The following UBE2K variants were observed in gnomAD, a reference collection of about 807,000 sequenced individuals.
UBE2K encodes ubiquitin conjugating enzyme E2 K.
UBE2K carries 6 observed loss-of-function variants against 30.0 expected under a neutral mutation model. That is an observed-to-expected ratio of 0.20 (90% confidence interval 0.11 to 0.39). The LOEUF is 0.39. UBE2K is among the 10% of genes least tolerant of loss of function. The probability of loss-of-function intolerance (pLI) is 1.00; values close to 1 mark genes in which losing one functional copy is unlikely to be tolerated. For missense variants in UBE2K, 61 were observed against 241.6 expected, an observed-to-expected ratio of 0.25 and a Z score of 4.96; for synonymous variants, 86 against 83.7, an observed-to-expected ratio of 1.03 and a Z score of -0.15.
At position 39,755,797 on chromosome 4, in the gene UBE2K, G is replaced by C. The variant is rs1721492553; in HGVS notation, c.299+58G>C. 15 of 1,230,220 alleles carry C rather than the reference G, an allele frequency of 1.2e-5. No individual in the cohort carries two copies. The East Asian group carries it at 3.7e-4, about 30-fold the overall frequency. 76.2% of individuals were successfully genotyped at this position (1,230,220 alleles called of 1,614,324 possible). A position where few individuals can be genotyped will look rare whatever the true frequency, so the allele number is the denominator to read the frequency against. ...TCATATGAATACCAAGACTGTAAGA[G>C]TGTTAAATGTGTAATTGCCTCAAAA... is the stretch of plus-strand genomic sequence containing the variant. On this transcript the variant is annotated intron_variant, in intron 4 of 6. Coordinates refer to ENST00000261427, the MANE Select transcript of UBE2K (RefSeq NM_005339.5).
intron 4 of UBE2K, among the ~76,000 whole-genome samples, chr4:39,773,033 CAGGT>C (rs1455954303): frequency 6.6e-6 from 1 of 151,824 alleles, no homozygotes; most frequent in Non-Finnish European, 1.5e-5. Flanking sequence ...TATTGCTAGA[CAGGT>C]AGATACTATT....
intron 3 of UBE2K, among the ~76,000 whole-genome samples, chr4:39,749,654 G>A (rs557397343): frequency 1.3e-5 from 2 of 152,110 alleles, no homozygotes; most frequent in African/African-American, 4.8e-5. Flanking sequence ...ACTGCAGCCT[G>A]GACAAGAGAG....
At chr4:39,704,946 C>A (rs111334176) in intron 1 of UBE2K, among the ~76,000 whole-genome samples, 1 of 151,428 alleles carries the variant, frequency 6.6e-6, no homozygotes, top group African/African-American at 2.4e-5. Context: ...TCTCGGCTCA[C>A]CGCAACCTCC....
intron 4 of UBE2K, among the ~76,000 whole-genome samples, chr4:39,772,088 C>T (rs899222609): frequency 1.3e-5 from 2 of 152,146 alleles, no homozygotes; most frequent in Non-Finnish European, 2.9e-5. Flanking sequence ...CTGCCTGCCT[C>T]GGCCTTCCTA....
chr4:39,743,292 G>A (rs1720801388), intron 2 of UBE2K, among the ~76,000 whole-genome samples: 2 of 151,704 alleles, frequency 1.3e-5, no homozygotes, highest in Admixed American at 1.3e-4. Context: ...TTTATTACAG[G>A]GAATTTCAGA....
chr4:39,703,561 G>C (rs894995955), intron 1 of UBE2K, among the ~76,000 whole-genome samples: 1 of 151,826 alleles, frequency 6.6e-6, no homozygotes, highest in East Asian at 1.9e-4. Flanking sequence ...TATATAAGAA[G>C]AACACAGCCA....
chr4:39,773,527 A>G (rs1228864501), intron 4 of UBE2K, among the ~76,000 whole-genome samples: 2 of 152,152 alleles, frequency 1.3e-5, no homozygotes, highest in Non-Finnish European at 2.9e-5. Context: ...TTGTTTTTAG[A>G]GTGCCATTGA....
chr4:39,707,659 C>G (rs978552330), intron 1 of UBE2K, among the ~76,000 whole-genome samples: 3 of 150,660 alleles, frequency 2.0e-5, no homozygotes, highest in Non-Finnish European at 1.5e-5. Context: ...GTAGCTGGGA[C>G]TACAGGTGTG....
chr4:39,718,606 G>T (rs904777500), intron 1 of UBE2K, among the ~76,000 whole-genome samples: 2 of 152,252 alleles, frequency 1.3e-5, no homozygotes, highest in Non-Finnish European at 2.9e-5. Flanking sequence ...AGGGGGGCAG[G>T]ACTCAGGCAT....
intron 1 of UBE2K, among the ~76,000 whole-genome samples, chr4:39,711,914 G>A (rs1718713093): frequency 6.6e-6 from 1 of 151,610 alleles, no homozygotes; most frequent in African/African-American, 2.4e-5. Context: ...GGTGGTGCAT[G>A]CCTGTAATCC....
chr4:39,737,346 G>A (rs1478455168), intron 1 of UBE2K, 74 bp from the exon 2 acceptor site: 1 of 851,300 alleles, frequency 1.2e-6, no homozygotes, highest in Admixed American at 3.3e-5. Flanking sequence ...GGGGTTTCAA[G>A]ATTTTTTATA....
intron 4 of UBE2K, among the ~76,000 whole-genome samples, chr4:39,758,299 C>T (rs1435774261): frequency 6.6e-6 from 1 of 152,168 alleles, no homozygotes; most frequent in Non-Finnish European, 1.5e-5. Flanking sequence ...TTACCTCTAG[C>T]CTGCATGATT....
At chr4:39,733,290 G>A (rs1021501201) in intron 1 of UBE2K, among the ~76,000 whole-genome samples, 1 of 150,944 alleles carries the variant, frequency 6.6e-6, no homozygotes, top group Non-Finnish European at 1.5e-5. Flanking sequence ...CTTAGACTGT[G>A]GAAACAGGAC....
rs1012247564 is a variant in UBE2K, at chr4:39,779,042, A to C, written c.*608A>C. The C allele has an allele frequency of 5.8e-3, 738 of 127,944 alleles. 1 individual carries two copies. The highest frequency in any genetic ancestry group is 6.5e-3 in the African/African-American group (212 of 32,796). 7.9% of individuals were successfully genotyped at this position (127,944 alleles called of 1,614,324 possible). On this transcript the variant is annotated 3_prime_UTR_variant, in exon 7 of 7. Transcript: ENST00000261427. ...TGGGACAGTGTCTGATTCCCCCTTC[A>C]CCCCCCCCACCCCCGCCTTGCCACA...
intron 4 of UBE2K, among the ~76,000 whole-genome samples, chr4:39,763,451 A>AT (rs1287486593): frequency 6.6e-6 from 1 of 151,842 alleles, no homozygotes; most frequent in African/African-American, 2.4e-5. Flanking sequence ...GGGTTTCTCC[A>AT]TGTTGGTCAG....
chr4:39,767,891 G>A (rs1292653958), intron 4 of UBE2K, among the ~76,000 whole-genome samples: 1 of 151,972 alleles, frequency 6.6e-6, no homozygotes, highest in Non-Finnish European at 1.5e-5. Context: ...TTTTGTTTCA[G>A]GTGACACCAT....
At chr4:39,744,393 C>T (rs1430931718) in intron 2 of UBE2K, among the ~76,000 whole-genome samples, 3 of 145,556 alleles carry the variant, frequency 2.1e-5, no homozygotes, top group African/African-American at 7.6e-5. Flanking sequence ...AGGATGGTCT[C>T]GATCTCCTGA....
intron 1 of UBE2K, among the ~76,000 whole-genome samples, chr4:39,724,594 A>G (rs895914131): frequency 8.0e-5 from 12 of 149,800 alleles, no homozygotes; most frequent in Non-Finnish European, 1.5e-4. Context: ...AAAAAAAAAA[A>G]AAAAAAAAAA....
intron 1 of UBE2K, among the ~76,000 whole-genome samples, chr4:39,732,587 A>G (rs912754725): frequency 6.6e-6 from 1 of 151,404 alleles, no homozygotes; most frequent in East Asian, 1.9e-4. Context: ...ATTAGCTTCA[A>G]CGTTATGTGC....
Sources: gnomAD v4.1 joint callset for allele counts (sites outside exome capture counted in the v4.1 genomes callset) on GRCh38, gnomAD v4.1.1 for gene constraint, MANE v1.5 for transcripts, NCBI Gene and HGNC (gene_info 2026-07-23, HGNC 2026-07-21) for gene names.